The following LINGO2 variants were observed in gnomAD, a reference collection of about 807,000 sequenced individuals.
LINGO2 encodes leucine rich repeat and Ig domain containing 2.
LINGO2 carries 14 observed loss-of-function variants against 30.6 expected under a neutral mutation model. That is an observed-to-expected ratio of 0.46 (90% CI 0.30 to 0.72). LINGO2 has a LOEUF of 0.72. Ranked by LOEUF, LINGO2 falls within the 30% of genes least tolerant of loss-of-function variation. The pLI is 0.07. For synonymous variants in LINGO2, 317 were observed against 288.5 expected (o/e 1.10, Z -1.00); for missense variants, 729 against 751.7 (o/e 0.97, Z 0.35).
At chr9:28,303,822 G>A (rs372113718) in intron 3 of LINGO2, among the ~76,000 whole-genome samples, 220 of 151,932 alleles carry the variant, frequency 1.4e-3, no homozygotes, top group African/African-American at 5.1e-3. Context: ...CTGTCTCTGG[G>A]GTGGCAGAAG....
chr9:28,999,218 C>T, the LINGO2 span, among the ~76,000 whole-genome samples: 2 of 151,946 alleles, frequency 1.3e-5, no homozygotes, highest in Non-Finnish European at 2.9e-5. Flanking sequence ...AATACAAAGC[C>T]AGGAGTTTGC....
At chr9:28,706,222 T>A in the LINGO2 span, among the ~76,000 whole-genome samples, 7 of 152,106 alleles carry the variant, frequency 4.6e-5, no homozygotes, top group African/African-American at 1.7e-4. Context: ...AAGGTCGGTT[T>A]CAAACAGTGC....
chr9:28,846,855 C>G, the LINGO2 span, among the ~76,000 whole-genome samples: 3 of 147,612 alleles, frequency 2.0e-5, 1 homozygote, highest in Admixed American at 6.7e-5. Context: ...TGGTTTCCCA[C>G]TCACATTTAC....
At chr9:29,142,297 C>T in the LINGO2 span, among the ~76,000 whole-genome samples, 1 of 151,744 alleles carries the variant, frequency 6.6e-6, no homozygotes, top group Non-Finnish European at 1.5e-5. Context: ...CAATATACTT[C>T]TGAACAACCA....
At chr9:28,325,231 A>C (rs1825186367) in intron 3 of LINGO2, among the ~76,000 whole-genome samples, 1 of 152,166 alleles carries the variant, frequency 6.6e-6, no homozygotes, top group Non-Finnish European at 1.5e-5. Flanking sequence ...ACTTGCAATT[A>C]TAAATAATTT....
the LINGO2 span, among the ~76,000 whole-genome samples, chr9:28,884,858 C>T: frequency 7.9e-3 from 908 of 115,100 alleles, 5 homozygotes; most frequent in Non-Finnish European, 0.01. Context: ...CATATATACA[C>T]TATATATACA....
the LINGO2 span, among the ~76,000 whole-genome samples, chr9:28,953,400 A>G: frequency 1.3e-5 from 2 of 152,126 alleles, no homozygotes; most frequent in Non-Finnish European, 2.9e-5. Flanking sequence ...TTAGAAATGA[A>G]AGCTGAGAAA....
At chr9:28,210,554 A>G (rs545222363) in intron 4 of LINGO2, among the ~76,000 whole-genome samples, 20 of 151,824 alleles carry the variant, frequency 1.3e-4, no homozygotes, top group Middle Eastern at 3.4e-3. Flanking sequence ...CAAGTTTTGT[A>G]GTTTTTCTTT....
chr9:28,586,338 TCATTGGGTTTCA>T (rs1404095896), intron 1 of LINGO2, among the ~76,000 whole-genome samples: 1 of 152,086 alleles, frequency 6.6e-6, no homozygotes, highest in Non-Finnish European at 1.5e-5. Flanking sequence ...ATTTCATTTC[TCATTGGGTTTCA>T]CATTTTTTAA....
At chr9:28,436,786 G>T (rs1191635366) in intron 2 of LINGO2, among the ~76,000 whole-genome samples, 4 of 152,140 alleles carry the variant, frequency 2.6e-5, no homozygotes, top group African/African-American at 7.2e-5. Context: ...GCGTGTCGGG[G>T]TATAGAGAAA....
chr9:28,083,850 G>A (rs971828054), intron 4 of LINGO2, among the ~76,000 whole-genome samples: 1 of 152,104 alleles, frequency 6.6e-6, no homozygotes, highest in African/African-American at 2.4e-5. Flanking sequence ...ATGACCTAGT[G>A]TGAAGTCAAA....
At chr9:28,881,313 G>A in the LINGO2 span, among the ~76,000 whole-genome samples, 1 of 151,940 alleles carries the variant, frequency 6.6e-6, no homozygotes. Flanking sequence ...TAGTAGAGAT[G>A]GGGTTTTACC....
At chr9:28,214,645 G>A (rs1007387723) in intron 4 of LINGO2, among the ~76,000 whole-genome samples, 5 of 151,448 alleles carry the variant, frequency 3.3e-5, no homozygotes, top group Admixed American at 2.0e-4. Context: ...TATAATAGGG[G>A]AATACTAAGA....
At chr9:28,977,973 C>T in the LINGO2 span, among the ~76,000 whole-genome samples, 557 of 152,158 alleles carry the variant, frequency 3.7e-3, 2 homozygotes, top group African/African-American at 0.013. Flanking sequence ...TCCATAATCA[C>T]AGAACTGGGA....
intron 1 of LINGO2, among the ~76,000 whole-genome samples, chr9:28,642,413 C>T (rs1008533975): frequency 5.3e-5 from 8 of 152,100 alleles, no homozygotes; most frequent in East Asian, 1.9e-4. Flanking sequence ...TCATACATTT[C>T]GAGGATCAAA....
chr9:28,821,543 C>T, the LINGO2 span, among the ~76,000 whole-genome samples: 1 of 152,218 alleles, frequency 6.6e-6, no homozygotes, highest in Non-Finnish European at 1.5e-5. Context: ...CCAGCTGTAG[C>T]TGCAACAGTC....
At chr9:28,908,044 G>C in the LINGO2 span, among the ~76,000 whole-genome samples, 1 of 151,530 alleles carries the variant, frequency 6.6e-6, no homozygotes, top group Non-Finnish European at 1.5e-5. Context: ...AATATATTTA[G>C]GTATAATTCT....
intron 5 of LINGO2, among the ~76,000 whole-genome samples, chr9:27,963,737 G>T (rs1265006463): frequency 7.2e-6 from 1 of 139,562 alleles, no homozygotes; most frequent in Non-Finnish European, 1.5e-5. Flanking sequence ...TGAGGTAAGG[G>T]TAAAAAAAAA....
At chr9:28,573,305 A>AT (rs1350736686) in intron 1 of LINGO2, among the ~76,000 whole-genome samples, 4 of 152,110 alleles carry the variant, frequency 2.6e-5, no homozygotes, top group Non-Finnish European at 5.9e-5. Flanking sequence ...CAGCTTTGCT[A>AT]TTTTTTCTGT....
Sources: allele counts gnomAD v4.1 joint callset (sites outside exome capture counted in the v4.1 genomes callset), GRCh38; gene constraint gnomAD v4.1.1; transcripts MANE v1.5; gene names NCBI Gene and HGNC (gene_info 2026-07-23, HGNC 2026-07-21).